Variants in SCARB1 observed in about 807,000 individuals in gnomAD.
SCARB1 encodes scavenger receptor class B member 1, also known as CD36 and LIMPII analogous 1.
A neutral mutation model predicts 57.2 loss-of-function variants in SCARB1; 30 were observed. The ratio of observed to expected loss-of-function variants is 0.52; its 90% confidence interval spans 0.39 to 0.71. The LOEUF (loss-of-function observed/expected upper bound fraction) is 0.71. SCARB1 is among the 30% of genes least tolerant of loss of function. The pLI is 0.00. For missense variants in SCARB1, 543 were observed against 671.2 expected (o/e 0.81, Z 2.11); for synonymous variants, 249 against 268.3 (o/e 0.93, Z 0.70).
chr12:124,858,822 TGAGCC>T (rs1952754822), intron 1 of SCARB1, among the ~76,000 whole-genome samples: 1 of 150,010 alleles, frequency 6.7e-6, no homozygotes, highest in Admixed American at 6.7e-5. Context: ...GAGCTTGCAG[TGAGCC>T]GAGATCGCAC....
At chr12:124,805,585 G>T (rs923705011) in intron 7 of SCARB1, among the ~76,000 whole-genome samples, 3 of 152,032 alleles carry the variant, frequency 2.0e-5, no homozygotes, top group East Asian at 3.9e-4. Context: ...TTTCGAGATG[G>T]GTCTTCCTCT....
Position 124,817,473 on chromosome 12 carries a change from C to T in SCARB1, c.284+77G>A. ...CTCTGGGGCTCAGTCAGCAGCCTCCCCATCCCGTCCACTCTGAGACCCCTC... is the reference window on the plus strand; with the variant it reads ...CTCTGGGGCTCAGTCAGCAGCCTCCTCATCCCGTCCACTCTGAGACCCCTC... On this transcript the variant is annotated intron_variant, in intron 2 of 12. Transcript: ENST00000261693. The surrounding 1 kb of genome is among the most constrained non-coding windows in gnomAD (Gnocchi z 4.8). The T allele has an allele frequency of 1.4e-6, 2 of 1,454,648 alleles. No individual in the cohort carries two copies. The highest frequency in any genetic ancestry group is 1.2e-5 in the South Asian group (1 of 86,134). The allele number at this position is 1,454,648 out of a possible 1,614,324, so 90.1% of individuals were successfully genotyped here. A position where few individuals can be genotyped will look rare whatever the true frequency, so the allele number is the denominator to read the frequency against.
intron 1 of SCARB1, among the ~76,000 whole-genome samples, chr12:124,833,895 G>A (rs773874371): frequency 3.7e-4 from 57 of 152,356 alleles, no homozygotes; most frequent in East Asian, 9.7e-4. Context: ...AATGATCTGC[G>A]GAGCAGGACA....
Position 124,817,478 on chromosome 12 carries a change from C to T in SCARB1, c.284+72G>A. ...GGGCTCAGTCAGCAGCCTCCCCATC[C>T]CGTCCACTCTGAGACCCCTCCCCTG... On this transcript the variant is annotated intron_variant, in intron 2 of 12. Coordinates refer to ENST00000261693, the MANE Select transcript of SCARB1 (RefSeq NM_005505.5). The surrounding 1 kb of genome is among the most constrained non-coding windows in gnomAD (Gnocchi z 4.8). 2 of 1,491,898 alleles carry T rather than the reference C, an allele frequency of 1.3e-6. No homozygotes were observed. The highest frequency in any genetic ancestry group is 1.8e-6 in the Non-Finnish European group (2 of 1,083,510). The allele number at this position is 1,491,898 out of a possible 1,614,324, so 92.4% of individuals were successfully genotyped here.
intron 9 of SCARB1, 117 bp downstream of exon 9, chr12:124,795,078 T>G (rs1382989891): frequency 1.1e-6 from 1 of 884,012 alleles, no homozygotes; most frequent in Non-Finnish European, 1.9e-6. Flanking sequence ...AATAGGACCC[T>G]CTCCCCTCCC....
chr12:124,853,911 T>C (rs1170894769), intron 1 of SCARB1, among the ~76,000 whole-genome samples: 1 of 152,196 alleles, frequency 6.6e-6, no homozygotes, highest in Admixed American at 6.5e-5. Context: ...CGAACCATCC[T>C]GTGAAACAAC....
intron 4 of SCARB1, among the ~76,000 whole-genome samples, chr12:124,813,825 T>C (rs2135673275): frequency 6.6e-6 from 1 of 152,250 alleles, no homozygotes; most frequent in East Asian, 1.9e-4. Flanking sequence ...GGACGAGATG[T>C]TGGCTCCGAA....
chr12:124,778,552 G>T lies in SCARB1; in HGVS notation c.*35C>A. 1 of 1,386,208 alleles carries T rather than the reference G, an allele frequency of 7.2e-7. No homozygotes were observed. The allele number at this position is 1,386,208 out of a possible 1,614,324, so 85.9% of individuals were successfully genotyped here. ...GCTGGGGGGCCGGTCAGGCCCAGCG[G>T]CCAGGCCTGGCTGGCTCACGGTGTC... On this transcript the variant is annotated 3_prime_UTR_variant, in exon 13 of 13. Coordinates refer to ENST00000261693, the MANE Select transcript of SCARB1 (RefSeq NM_005505.5).
rs181893766 is a variant in SCARB1, at chr12:124,830,746, C to A, written c.127-13039G>T. On this transcript the variant is annotated intron_variant, in intron 1 of 12. Coordinates refer to ENST00000261693, the MANE Select transcript of SCARB1 (RefSeq NM_005505.5). The stretch of plus-strand genomic sequence containing the variant: ...AGGTGAAAATCCATCAACCTCTAAC[C>A]GAAATTGTGCACTTTTCTTAATGCA... 2.4e-4 allele frequency among the ~76,000 whole-genome samples: 37 copies of A among 152,070 alleles called. 1 individual carries two copies. Among genetic ancestry groups the A allele is most frequent in the Admixed American group, 2.2e-3 (33 of 15,276 alleles).
At chr12:124,802,915 G>A (rs1051425128) in intron 7 of SCARB1, among the ~76,000 whole-genome samples, 1 of 152,146 alleles carries the variant, frequency 6.6e-6, no homozygotes. Context: ...ACAGACATAG[G>A]TGCACCAAAC....
At chr12:124,793,087 T>C (rs1390003092) in intron 9 of SCARB1, among the ~76,000 whole-genome samples, 1 of 152,076 alleles carries the variant, frequency 6.6e-6, no homozygotes, top group African/African-American at 2.4e-5. Context: ...CCTCAAAATA[T>C]AAAAATAAAA....
intron 1 of SCARB1, among the ~76,000 whole-genome samples, chr12:124,856,858 C>T (rs1001436666): frequency 1.2e-4 from 18 of 152,338 alleles, no homozygotes; most frequent in African/African-American, 3.6e-4. Context: ...GGTGGCCTCC[C>T]CGGGAGCCTC....
intron 9 of SCARB1, among the ~76,000 whole-genome samples, chr12:124,791,723 GAGGC>G (rs1205767139): frequency 1.3e-5 from 2 of 152,126 alleles, no homozygotes; most frequent in Non-Finnish European, 2.9e-5. Flanking sequence ...TTGGGAGGCT[GAGGC>G]AGGTGATCAC....
intron 1 of SCARB1, among the ~76,000 whole-genome samples, chr12:124,857,106 A>G (rs1952668186): frequency 6.6e-6 from 1 of 152,042 alleles, no homozygotes; most frequent in Non-Finnish European, 1.5e-5. Flanking sequence ...GCTCAGACAC[A>G]CGGAGAACCG....
At chr12:124,784,999 A>C (rs1305179367) in intron 11 of SCARB1, 1 of 152,220 alleles carries the variant, frequency 6.6e-6, no homozygotes, top group African/African-American at 2.4e-5. Context: ...TGAATAAATA[A>C]ATGACCCCGA....
Position 124,809,183 on chromosome 12 carries a change from C to T in SCARB1, c.842+991G>A, listed in dbSNP as rs982738313. Among the ~76,000 whole-genome samples the T allele has an allele frequency of 3.3e-5, 5 of 151,214 alleles. 1 individual carries two copies. Among genetic ancestry groups the T allele is most frequent in the African/African-American group, 7.3e-5 (3 of 41,022 alleles). ...TCCGATGGTTCTGGAAAAAGACACT[C>T]GGCGAGAAGAGGGGGTGGGGGGCTT... On this transcript the variant is annotated intron_variant, in intron 6 of 12. Transcript: ENST00000261693.
chr12:124,811,778 A>AGCTCTCT, intron 5 of SCARB1, 92 bp downstream of exon 5: 1 of 805,762 alleles, frequency 1.2e-6, no homozygotes, highest in South Asian at 1.4e-5. Flanking sequence ...AGGAAGAAGG[A>AGCTCTCT]GCTCTCTGGT....
intron 2 of SCARB1, 83 bp from the exon 3 acceptor site, chr12:124,815,197 G>T: frequency 1.3e-6 from 2 of 1,510,980 alleles, no homozygotes; most frequent in Non-Finnish European, 1.8e-6. Context: ...GCCTGCCTGG[G>T]AACCAGGGGC....
At chr12:124,846,128 T>C (rs967403433) in intron 1 of SCARB1, among the ~76,000 whole-genome samples, 3 of 152,154 alleles carry the variant, frequency 2.0e-5, no homozygotes, top group Non-Finnish European at 2.9e-5. Flanking sequence ...GAATGGGCAA[T>C]TCTACTTGGG....
Sources: gnomAD v4.1 joint callset for allele counts (sites outside exome capture counted in the v4.1 genomes callset) on GRCh38, gnomAD v4.1.1 for gene constraint, Gnocchi (gnomAD v3.1) non-coding constraint, MANE v1.5 for transcripts, NCBI Gene and HGNC (gene_info 2026-07-23, HGNC 2026-07-21) for gene names.